TASP1: variants seen among roughly 807,000 people sequenced by gnomAD.
TASP1 encodes the protein taspase 1.
Under a neutral mutation model 56.6 loss-of-function variants are expected in TASP1, and 16 were observed. The observed-to-expected ratio is 0.28, with a 90% CI of 0.19 to 0.43. The LOEUF (loss-of-function observed/expected upper bound fraction) is 0.43, where lower values mean the gene tolerates loss of function less well. Among genes scored for constraint, TASP1 ranks in the 20% least tolerant of loss-of-function variants. The probability of loss-of-function intolerance (pLI) is 1.00; values close to 1 mark genes in which losing one functional copy is unlikely to be tolerated. For synonymous variants in TASP1, 179 were observed against 184.2 expected (o/e 0.97, Z 0.23); for missense variants, 393 against 511.6 (o/e 0.77, Z 2.24).
Position 13,625,213 on chromosome 20 carries a change from T to C in TASP1, c.185A>G (p.Lys62Arg). Residue 62 changes from lysine (K) to arginine (R), a missense_variant, in exon 3 of 14, where the codon AAA (lysine) becomes AGA (arginine). Physicochemically the swap from Lys to Arg is conservative, Grantham distance 26 (BLOSUM62 2). This residue lies in a region of TASP1 where 48 missense variants were observed against 106.2 expected (regional missense o/e 0.45). Coordinates refer to ENST00000337743, the MANE Select transcript of TASP1 (RefSeq NM_017714.3). ...CTGACAAGCTCGTTTGCATACATGT[T>C]TATACTCCTTGGCTTTGGATTCAGA... is the stretch of plus-strand genomic sequence containing the variant. The part of the protein sequence containing the change: ...YHSESKAKEY[K>R]HVCKRACQKA... 6.2e-7 allele frequency: 1 copy of C among 1,611,852 alleles called. No homozygotes were observed. Among genetic ancestry groups the C allele is most frequent in the Non-Finnish European group, 8.5e-7 (1 of 1,179,234 alleles).
At chr20:13,273,750 A>T in the TASP1 span, among the ~76,000 whole-genome samples, 1 of 152,202 alleles carries the variant, frequency 6.6e-6, no homozygotes, top group African/African-American at 2.4e-5. Flanking sequence ...CTACTGTCAA[A>T]GTCAACAAAT....
the TASP1 span, among the ~76,000 whole-genome samples, chr20:13,129,897 A>G: frequency 8.5e-5 from 13 of 152,262 alleles, no homozygotes; most frequent in African/African-American, 3.1e-4. Context: ...TTTTAACCTC[A>G]GTTTTAAAGC....
chr20:13,113,680 G>T, the TASP1 span, among the ~76,000 whole-genome samples: 9 of 152,190 alleles, frequency 5.9e-5, no homozygotes, highest in African/African-American at 1.9e-4. Context: ...GGGTACTTTG[G>T]TAATAATAAA....
At chr20:13,365,011 A>G in the TASP1 span, among the ~76,000 whole-genome samples, 1 of 152,220 alleles carries the variant, frequency 6.6e-6, no homozygotes, top group African/African-American at 2.4e-5. Flanking sequence ...GATAATTTTC[A>G]GAACAAACAG....
the TASP1 span, among the ~76,000 whole-genome samples, chr20:13,334,352 T>G: frequency 1.3e-5 from 2 of 152,242 alleles, no homozygotes; most frequent in Admixed American, 1.3e-4. Context: ...AATGCAATAA[T>G]GCATTTTGAA....
intron 9 of TASP1, among the ~76,000 whole-genome samples, chr20:13,532,841 C>A (rs1351351281): frequency 6.6e-6 from 1 of 152,168 alleles, no homozygotes; most frequent in African/African-American, 2.4e-5. Flanking sequence ...ATATGCCAAG[C>A]TTGACTTTCC....
chr20:13,610,356 G>A (rs953580605), intron 4 of TASP1, among the ~76,000 whole-genome samples: 3 of 152,124 alleles, frequency 2.0e-5, no homozygotes, highest in Non-Finnish European at 4.4e-5. Flanking sequence ...ACTAATATAT[G>A]GCAATAGAGG....
the TASP1 span, among the ~76,000 whole-genome samples, chr20:13,263,246 T>C: frequency 7.6e-4 from 116 of 152,322 alleles, no homozygotes; most frequent in African/African-American, 2.7e-3. Flanking sequence ...CTGGTCAGCC[T>C]TGTCATCTGT....
At chr20:13,568,758 T>TTAA (rs1568593627) in intron 7 of TASP1, among the ~76,000 whole-genome samples, 1 of 152,182 alleles carries the variant, frequency 6.6e-6, no homozygotes, top group African/African-American at 2.4e-5. Flanking sequence ...AACAAGGCTT[T>TTAA]TAAAGCTTTT....
chr20:13,336,969 T>C, the TASP1 span, among the ~76,000 whole-genome samples: 1 of 152,202 alleles, frequency 6.6e-6, no homozygotes, highest in Non-Finnish European at 1.5e-5. Flanking sequence ...AGCAATGATT[T>C]CTGATGAAAT....
chr20:13,617,481 C>G (rs1459754947), intron 4 of TASP1, among the ~76,000 whole-genome samples: 1 of 151,988 alleles, frequency 6.6e-6, no homozygotes, highest in African/African-American at 2.4e-5. Context: ...ACTCACCAGC[C>G]ACATCATAGT....
chr20:13,360,299 G>A, the TASP1 span, among the ~76,000 whole-genome samples: 1 of 149,168 alleles, frequency 6.7e-6, no homozygotes, highest in African/African-American at 2.5e-5. Context: ...AAATTACCTA[G>A]GCTGTACTGC....
At chr20:13,408,601 TAA>T (rs373282110) in intron 13 of TASP1, among the ~76,000 whole-genome samples, 5 of 152,286 alleles carry the variant, frequency 3.3e-5, no homozygotes, top group African/African-American at 1.2e-4. Flanking sequence ...ATGTCTGATA[TAA>T]AATGCCAGTG....
At chr20:13,393,433 A>G (rs2041370819) in intron 13 of TASP1, 2 of 775,134 alleles carry the variant, frequency 2.6e-6, no homozygotes, top group South Asian at 1.4e-5. Context: ...AAACCTGCCA[A>G]ATATGATGAT....
chr20:13,270,678 C>T, the TASP1 span: 2,036 of 1,613,910 alleles, frequency 1.3e-3, 11 homozygotes, highest in Middle Eastern at 9.1e-3. Flanking sequence ...ATCCTTTCTC[C>T]TTGATCTACC....
the TASP1 span, among the ~76,000 whole-genome samples, chr20:13,116,037 T>C: frequency 6.3e-4 from 96 of 152,170 alleles, no homozygotes; most frequent in Non-Finnish European, 1.1e-3. Flanking sequence ...AAAAGACAAC[T>C]GTATTTGGCC....
At chr20:13,272,256 A>C in the TASP1 span, among the ~76,000 whole-genome samples, 3 of 152,196 alleles carry the variant, frequency 2.0e-5, no homozygotes, top group African/African-American at 7.2e-5. Context: ...CACCCTCTGC[A>C]TGATACGGTT....
intron 10 of TASP1, among the ~76,000 whole-genome samples, chr20:13,484,748 A>AAAAG (rs1259855569): frequency 1.3e-5 from 2 of 151,728 alleles, no homozygotes; most frequent in East Asian, 3.9e-4. Flanking sequence ...AAAAAAAAAA[A>AAAAG]AAAGAAAGAA....
chr20:13,559,193 A>G, intron 7 of TASP1, 79 bp from the exon 8 acceptor site: 1 of 866,778 alleles, frequency 1.2e-6, no homozygotes, highest in Non-Finnish European at 1.6e-6. Flanking sequence ...ATATCTGAAG[A>G]GCCTTCCCAG....
Sources: gnomAD v4.1 joint callset for allele counts (sites outside exome capture counted in the v4.1 genomes callset) on GRCh38, gnomAD v4.1.1 for gene constraint, gnomAD v4.1.1 regional missense constraint, MANE v1.5 for transcripts, NCBI Gene and HGNC (gene_info 2026-07-23, HGNC 2026-07-21) for gene names.